The following GRID2 variants were observed in gnomAD, a reference collection of about 807,000 sequenced individuals.
GRID2 encodes the protein glutamate receptor ionotropic, delta-2.
In GRID2, 33 loss-of-function variants were observed where a neutral mutation model predicts 114.8. The observed-to-expected ratio is 0.29, with a 90% CI of 0.22 to 0.38. The LOEUF is 0.38. GRID2 is among the 10% of genes least tolerant of loss of function. The pLI is 1.00. For synonymous variants in GRID2, 505 were observed against 449.9 expected (o/e 1.12, Z -1.55); for missense variants, 1,184 against 1,257.7 (o/e 0.94, Z 0.89).
chr4:93,376,266 A>T (rs1366680987), intron 8 of GRID2, among the ~76,000 whole-genome samples: 1 of 152,192 alleles, frequency 6.6e-6, no homozygotes, highest in Non-Finnish European at 1.5e-5. Context: ...TGACTACAAA[A>T]AAAGGAGACA....
intron 14 of GRID2, among the ~76,000 whole-genome samples, chr4:93,651,366 T>C (rs922101784): frequency 1.9e-4 from 29 of 152,252 alleles, no homozygotes; most frequent in African/African-American, 6.3e-4. Flanking sequence ...CTAAATTTCA[T>C]AGGAAGAGCT....
At chr4:92,530,735 TA>T (rs143078058) in intron 1 of GRID2, among the ~76,000 whole-genome samples, 134 of 126,608 alleles carry the variant, frequency 1.1e-3, no homozygotes, top group Middle Eastern at 8.4e-3. Context: ...CCCCCTCTAC[TA>T]AAAAAAAAAA....
intron 2 of GRID2, among the ~76,000 whole-genome samples, chr4:92,701,392 T>C (rs1311238041): frequency 3.3e-5 from 5 of 152,086 alleles, no homozygotes; most frequent in African/African-American, 1.2e-4. Flanking sequence ...TTAAGCAAAA[T>C]GATGCTAATA....
intron 13 of GRID2, among the ~76,000 whole-genome samples, chr4:93,563,222 A>T (rs1285289295): frequency 1.3e-5 from 2 of 152,050 alleles, no homozygotes; most frequent in Non-Finnish European, 2.9e-5. Flanking sequence ...CACCATTTAT[A>T]TCCCTATCTG....
chr4:92,828,858 GTTGT>G (rs1560620240), intron 2 of GRID2, among the ~76,000 whole-genome samples: 3 of 152,052 alleles, frequency 2.0e-5, no homozygotes, highest in South Asian at 2.1e-4. Context: ...TTTTGATGGA[GTTGT>G]TTGTTTTTTT....
At chr4:93,204,960 T>C (rs768747738) in intron 4 of GRID2, among the ~76,000 whole-genome samples, 1 of 152,152 alleles carries the variant, frequency 6.6e-6, no homozygotes, top group Non-Finnish European at 1.5e-5. Context: ...ATTCACTTCT[T>C]TTTCTCTGAA....
At chr4:92,830,005 G>T (rs950996180) in intron 2 of GRID2, among the ~76,000 whole-genome samples, 4 of 151,582 alleles carry the variant, frequency 2.6e-5, no homozygotes, top group Non-Finnish European at 4.4e-5. Flanking sequence ...CTGGAAGATG[G>T]GTTAATAGGT....
intron 1 of GRID2, among the ~76,000 whole-genome samples, chr4:92,328,582 G>A (rs970082389): frequency 1.3e-5 from 2 of 151,816 alleles, no homozygotes; most frequent in African/African-American, 2.4e-5. Flanking sequence ...ATTTACTATA[G>A]CATTAAACTT....
chr4:92,950,353 T>G, intron 2 of GRID2, among the ~76,000 whole-genome samples: 1 of 152,154 alleles, frequency 6.6e-6, no homozygotes, highest in East Asian at 1.9e-4. Flanking sequence ...GTGTTTCTAC[T>G]GGCAAAGACA....
chr4:92,363,139 T>G (rs1277540926), intron 1 of GRID2, among the ~76,000 whole-genome samples: 1 of 152,100 alleles, frequency 6.6e-6, no homozygotes, highest in African/African-American at 2.4e-5. Context: ...TGTGGCAGCA[T>G]CAGTGTCTCC....
intron 4 of GRID2, among the ~76,000 whole-genome samples, chr4:93,165,741 A>G (rs1419781610): frequency 6.6e-6 from 1 of 152,086 alleles, no homozygotes; most frequent in Non-Finnish European, 1.5e-5. Context: ...TGAACATTCC[A>G]TAATTAAAAG....
chr4:92,738,057 C>T (rs981023321), intron 2 of GRID2, among the ~76,000 whole-genome samples: 14 of 152,082 alleles, frequency 9.2e-5, no homozygotes, highest in African/African-American at 2.9e-4. Context: ...GCACATATTG[C>T]ACATTTTTCA....
At chr4:93,318,022 T>TATATATATATATATATA in intron 8 of GRID2, among the ~76,000 whole-genome samples, 373 of 133,772 alleles carry the variant, frequency 2.8e-3, no homozygotes, top group Non-Finnish European at 3.9e-3. Context: ...TATATATATA[T>TATATATATATATATATA]TACTACTTTC....
rs10593127 is a variant in GRID2, at chr4:92,713,476, CATATATATATATATATATATAT to C, written c.244+123211_244+123232del. On this transcript the variant is annotated intron_variant, in intron 2 of 15. Coordinates refer to ENST00000282020, the MANE Select transcript of GRID2 (RefSeq NM_001510.4). Reference sequence around the variant, plus strand: ...TTACATATATTTACATATACATATACATATATATATATATATATATATATATATATATATATATATATTACCA... The same window carrying C: ...TTACATATATTTACATATACATATACATATATATATATATATATATTACCA... Among the ~76,000 whole-genome samples the C allele has an allele frequency of 7.9e-3, 426 of 54,066 alleles. 5 individuals carry two copies. Among genetic ancestry groups the C allele is most frequent in the Non-Finnish European group, 0.011 (331 of 29,376 alleles). 35.5% of individuals were successfully genotyped at this position (54,066 alleles called of 152,430 possible).
At chr4:93,101,250 A>G (rs1024858719) in intron 3 of GRID2, among the ~76,000 whole-genome samples, 1 of 152,100 alleles carries the variant, frequency 6.6e-6, no homozygotes, top group African/African-American at 2.4e-5. Flanking sequence ...ATCACCTTAA[A>G]TATTTATCTT....
chr4:93,149,877 C>A (rs954234677), intron 4 of GRID2, among the ~76,000 whole-genome samples: 7 of 151,946 alleles, frequency 4.6e-5, no homozygotes, highest in East Asian at 2.0e-4. Context: ...TTCAAGTGAT[C>A]CTCCTGCCTC....
At chr4:93,042,275 T>TTTCTC (rs1725608412) in intron 2 of GRID2, among the ~76,000 whole-genome samples, 11 of 125,620 alleles carry the variant, frequency 8.8e-5, no homozygotes, top group African/African-American at 3.2e-4. Context: ...CTCTCTCTCT[T>TTTCTC]TCTCTCTCTC....
intron 2 of GRID2, among the ~76,000 whole-genome samples, chr4:92,736,790 C>G (rs1387652894): frequency 6.6e-6 from 1 of 152,048 alleles, no homozygotes; most frequent in Non-Finnish European, 1.5e-5. Flanking sequence ...AGTGGGCCAC[C>G]TCTTACAAAG....
chr4:92,730,949 T>C (rs1736301576), intron 2 of GRID2, among the ~76,000 whole-genome samples: 1 of 151,982 alleles, frequency 6.6e-6, no homozygotes, highest in South Asian at 2.1e-4. Context: ...ATTACAGCAT[T>C]TAAATCATTG....
Sources: allele counts gnomAD v4.1 joint callset (sites outside exome capture counted in the v4.1 genomes callset), GRCh38; gene constraint gnomAD v4.1.1; transcripts MANE v1.5; gene names NCBI Gene and HGNC (gene_info 2026-07-23, HGNC 2026-07-21).